NTN4: variants seen among roughly 807,000 people sequenced by gnomAD.
The protein encoded by NTN4 is netrin 4, also known as netrin-4.
Under a neutral mutation model 73.6 loss-of-function variants are expected in NTN4, and 32 were observed. The ratio of observed to expected loss-of-function variants is 0.44; its 90% CI spans 0.33 to 0.58. NTN4 has a LOEUF of 0.58. Ranked by LOEUF, NTN4 falls within the 20% of genes least tolerant of loss-of-function variation. NTN4 has a pLI of 0.04. For synonymous variants in NTN4, 258 were observed against 287.5 expected, an observed-to-expected ratio of 0.90 and a Z score of 1.04; for missense variants, 654 against 798.3, an observed-to-expected ratio of 0.82 and a Z score of 2.18.
chr12:95,724,445 T>A (rs996259820), intron 3 of NTN4, among the ~76,000 whole-genome samples: 1 of 152,236 alleles, frequency 6.6e-6, no homozygotes, highest in Admixed American at 6.5e-5. Context: ...ACAAGTGAAC[T>A]GAGCTGGTGT....
intron 4 of NTN4, 94 bp downstream of exon 4, chr12:95,713,118 C>T: frequency 6.9e-7 from 1 of 1,450,506 alleles, no homozygotes; most frequent in South Asian, 1.3e-5. Flanking sequence ...TTGTCACCCA[C>T]CACTTTGTGT....
At chr12:95,774,173 CTCT>C (rs2079075763) in intron 2 of NTN4, among the ~76,000 whole-genome samples, 2 of 79,450 alleles carry the variant, frequency 2.5e-5, no homozygotes, top group African/African-American at 6.6e-5. Flanking sequence ...TAGTTTTTCT[CTCT>C]TTTTTTTTTT....
intron 3 of NTN4, 106 bp from the exon 4 acceptor site, chr12:95,713,444 T>A (rs1038480301): frequency 2.3e-5 from 29 of 1,262,152 alleles, no homozygotes; most frequent in Non-Finnish European, 3.1e-5. Flanking sequence ...TCATAAGATG[T>A]TCATTCACTT....
chr12:95,676,382 C>T (rs2078273373), intron 7 of NTN4, among the ~76,000 whole-genome samples: 1 of 151,720 alleles, frequency 6.6e-6, no homozygotes, highest in East Asian at 1.9e-4. Context: ...GCTGGGATTG[C>T]AGGTGTGAGC....
intron 7 of NTN4, among the ~76,000 whole-genome samples, chr12:95,679,444 C>T (rs2078298807): frequency 6.6e-6 from 1 of 152,208 alleles, no homozygotes; most frequent in Non-Finnish European, 1.5e-5. Flanking sequence ...TTATCGATAA[C>T]TGCTACTCTT....
At chr12:95,659,990 A>C (rs1381508175) in intron 9 of NTN4, among the ~76,000 whole-genome samples, 1 of 151,830 alleles carries the variant, frequency 6.6e-6, no homozygotes, top group East Asian at 1.9e-4. Flanking sequence ...GTGTATATTA[A>C]GGAGGTTTTT....
intron 9 of NTN4, among the ~76,000 whole-genome samples, chr12:95,660,676 A>G (rs577690180): frequency 3.3e-5 from 5 of 152,352 alleles, no homozygotes; most frequent in African/African-American, 1.2e-4. Flanking sequence ...TAAAAATTAT[A>G]GGGTAGATAA....
intron 3 of NTN4, among the ~76,000 whole-genome samples, chr12:95,721,884 TGAA>T (rs898511473): frequency 6.6e-5 from 10 of 152,150 alleles, no homozygotes; most frequent in African/African-American, 2.4e-4. Context: ...AATCAGGAGT[TGAA>T]GAGTATTCAG....
rs78069961 is a variant in NTN4, at chr12:95,704,133, G to T, written c.1180+6308C>A. Among the ~76,000 whole-genome samples the T allele has an allele frequency of 2.8e-3, 432 of 152,202 alleles. 10 individuals are homozygous for T. The East Asian group carries it at 0.071, about 25-fold the overall frequency. On this transcript the variant is annotated intron_variant, in intron 5 of 9. Coordinates refer to ENST00000343702, the MANE Select transcript of NTN4 (RefSeq NM_021229.4). The stretch of plus-strand genomic sequence containing the variant: ...ATATGATTCAATAGCTCTGGGGTAG[G>T]ATCAGAGGTTCTGAATTGCTAATCA...
intron 2 of NTN4, among the ~76,000 whole-genome samples, chr12:95,747,751 C>T (rs1401359199): frequency 1.3e-5 from 2 of 151,620 alleles, no homozygotes; most frequent in African/African-American, 4.9e-5. Flanking sequence ...TTTTGATTTT[C>T]CAATATAAAA....
intron 2 of NTN4, among the ~76,000 whole-genome samples, chr12:95,783,908 G>A (rs1207543700): frequency 6.6e-6 from 1 of 152,162 alleles, no homozygotes; most frequent in African/African-American, 2.4e-5. Flanking sequence ...CCACTCTGTT[G>A]ATGGAGGTGG....
chr12:95,692,433 A>G (rs2078408421), intron 5 of NTN4, among the ~76,000 whole-genome samples: 1 of 152,248 alleles, frequency 6.6e-6, no homozygotes, highest in South Asian at 2.1e-4. Flanking sequence ...GTACTTTACA[A>G]AAGATTTCAC....
intron 8 of NTN4, among the ~76,000 whole-genome samples, chr12:95,669,801 T>C (rs1162921112): frequency 2.6e-5 from 4 of 152,244 alleles, no homozygotes; most frequent in Non-Finnish European, 5.9e-5. Flanking sequence ...TTTCATGTCA[T>C]GATTTCTTCT....
chr12:95,755,559 A>G lies in NTN4; in HGVS notation c.586-17415T>C, dbSNP rs947512140. Among the ~76,000 whole-genome samples, 9 of 152,304 alleles carry G rather than the reference A, an allele frequency of 5.9e-5. No individual in the cohort carries two copies. The South Asian group carries it at 1.9e-3, about 32-fold the overall frequency. On this transcript the variant is annotated intron_variant, in intron 2 of 9. Transcript: ENST00000343702. ...GGGCAGCACCAAAATCCTTTTGCTT[A>G]TACTCTGGAGCATTCGGCACCCTGT...
At chr12:95,724,067 A>G (rs1401950574) in intron 3 of NTN4, among the ~76,000 whole-genome samples, 4 of 152,168 alleles carry the variant, frequency 2.6e-5, no homozygotes, top group African/African-American at 9.7e-5. Context: ...ACTTCTAAAA[A>G]TGGAATTTTA....
intron 3 of NTN4, among the ~76,000 whole-genome samples, chr12:95,736,600 G>A (rs1483870953): frequency 6.6e-6 from 1 of 152,158 alleles, no homozygotes; most frequent in East Asian, 1.9e-4. Flanking sequence ...CCTGAACCCA[G>A]TTAACTGAGA....
At chr12:95,672,814 A>G (rs570562110) in intron 7 of NTN4, 5 of 1,339,996 alleles carry the variant, frequency 3.7e-6, no homozygotes, top group South Asian at 2.3e-5. Context: ...GAATAAAGAA[A>G]TAGTTCCCCA....
At chr12:95,688,152 G>GTA (rs1310019748) in intron 5 of NTN4, among the ~76,000 whole-genome samples, 2 of 152,174 alleles carry the variant, frequency 1.3e-5, no homozygotes, top group African/African-American at 2.4e-5. Flanking sequence ...TGGAGGCATT[G>GTA]TATAGACTAG....
chr12:95,760,817 T>C (rs1190237991), intron 2 of NTN4, among the ~76,000 whole-genome samples: 1 of 151,978 alleles, frequency 6.6e-6, no homozygotes, highest in East Asian at 1.9e-4. Context: ...TTTTAAGAGG[T>C]TGGGACTTTT....
Sources: gnomAD v4.1 joint callset for allele counts (sites outside exome capture counted in the v4.1 genomes callset) on GRCh38, gnomAD v4.1.1 for gene constraint, MANE v1.5 for transcripts, NCBI Gene and HGNC (gene_info 2026-07-23, HGNC 2026-07-21) for gene names.